Variants in CAMK1 observed in about 807,000 individuals in gnomAD.
CAMK1 encodes the protein calcium/calmodulin dependent protein kinase I, also known as calcium/calmodulin-dependent protein kinase type 1.
A neutral mutation model predicts 49.1 loss-of-function variants in CAMK1; 39 were observed. The observed-to-expected ratio is 0.79, with a 90% CI of 0.62 to 1.04. The LOEUF (loss-of-function observed/expected upper bound fraction) is 1.04, where lower values mean the gene tolerates loss of function less well. Ranked by LOEUF, CAMK1 falls within the 50% of genes least tolerant of loss-of-function variation. The pLI, the probability that CAMK1 is intolerant of heterozygous loss-of-function variation, is 0.00. For missense variants in CAMK1, 457 were observed against 472.2 expected (o/e 0.97, Z 0.30); for synonymous variants, 192 against 185.2 (o/e 1.04, Z -0.30).
chr3:9,761,965 C>T (rs1559698619), intron 5 of CAMK1: 6 of 623,240 alleles, frequency 9.6e-6, no homozygotes, highest in South Asian at 2.0e-5. Context: ...GGGGAACTGT[C>T]TCTAAACCTC....
intron 9 of CAMK1, 43 bp from the exon 10 acceptor site, chr3:9,759,618 C>G: frequency 6.2e-7 from 1 of 1,614,130 alleles, no homozygotes; most frequent in Non-Finnish European, 8.5e-7. Context: ...AGGGCAGAAG[C>G]AGACCTGAGG....
intron 10 of CAMK1, chr3:9,758,403 G>C (rs1246522146): frequency 6.5e-6 from 1 of 154,548 alleles, no homozygotes; most frequent in Non-Finnish European, 1.4e-5. Flanking sequence ...TCTGTTCCCA[G>C]CCACAGTCTT....
At position 9,757,586 on chromosome 3, in the gene CAMK1, C is replaced by A; in HGVS notation, c.1066G>T (p.Val356Leu). ...AAGCCCRDCC[V>L]EPGTELSPTL... Reference sequence around the variant, plus strand: ...GGGGACAGTTCTGTGCCCGGCTCCACGCAGCAGTCTCGACAGCAACAGCCA... The same window carrying A: ...GGGGACAGTTCTGTGCCCGGCTCCAAGCAGCAGTCTCGACAGCAACAGCCA... The change falls in exon 12 of 12, where the codon GTG becomes TTG. Residue 356 changes from valine to leucine, a missense_variant. Coordinates refer to ENST00000256460, the MANE Select transcript of CAMK1 (RefSeq NM_003656.5). This position sits in a 1 kb window ranked among gnomAD's most constrained non-coding sequence, Gnocchi z 4.5. 6.2e-7 allele frequency: 1 copy of A among 1,614,166 alleles called. No individual in the cohort carries two copies. Among genetic ancestry groups the A allele is most frequent in the South Asian group, 1.1e-5 (1 of 91,082 alleles).
At chr3:9,760,630 G>T in intron 8 of CAMK1, 26 bp downstream of exon 8, 2 of 1,612,406 alleles carry the variant, frequency 1.2e-6, no homozygotes, top group East Asian at 2.2e-5. Flanking sequence ...GCAGGGCCCA[G>T]GGGAAAAAAG....
intron 3 of CAMK1, among the ~76,000 whole-genome samples, chr3:9,763,465 C>T (rs570901483): frequency 8.6e-5 from 13 of 151,954 alleles, no homozygotes; most frequent in Non-Finnish European, 1.3e-4. Flanking sequence ...CCCCAACCCC[C>T]GACCACTGCC....
rs1386620683 is a variant in CAMK1, at chr3:9,757,904, A to G, written c.913-58T>C. 1.9e-6 allele frequency: 3 copies of G among 1,552,246 alleles called. No individual in the cohort carries two copies. In the East Asian group the frequency reaches 6.8e-5, roughly 35 times the overall value. ...AAAGGACTTTTGAGAGAGTCAAGTC[A>G]TGGGGCAGGGGCGCAGTGGGATTCT... On this transcript the variant is annotated intron_variant, in intron 10 of 11. Transcript: ENST00000256460. The surrounding 1 kb of genome is among the most constrained non-coding windows in gnomAD (Gnocchi z 4.5).
chr3:9,758,970 C>G, intron 10 of CAMK1: 1 of 548,734 alleles, frequency 1.8e-6, no homozygotes, highest in Non-Finnish European at 3.3e-6. Flanking sequence ...GCCTAAGATT[C>G]TTCTGGGGCT....
rs201018634 is a variant in CAMK1 at position 9,763,251 on chromosome 3, G to A, written c.216-38C>T. 195 of 1,612,986 alleles carry A rather than the reference G, an allele frequency of 1.2e-4. 1 individual carries two copies. In the East Asian group the frequency reaches 2.7e-3, roughly 22 times the overall value. ...ATGAGGTGGTTTAGCCAGGCATGGC[G>A]GTGTGCACCTGTAGTCCAAGCTACT... On this transcript the variant is annotated intron_variant, in intron 3 of 11. Coordinates refer to ENST00000256460, the MANE Select transcript of CAMK1 (RefSeq NM_003656.5).
rs1326509091 is a variant in CAMK1, at chr3:9,757,377, A to G, written c.*162T>C. On this transcript the variant is annotated 3_prime_UTR_variant, in exon 12 of 12. Coordinates refer to ENST00000256460, the MANE Select transcript of CAMK1 (RefSeq NM_003656.5). This position sits in a 1 kb window ranked among gnomAD's most constrained non-coding sequence, Gnocchi z 4.5. ...TTATCTTCCCTTTATTACAAGAAGG[A>G]ACAATAAAATAGAAACATTTGTATG... 1 of 1,613,528 alleles carries G rather than the reference A, an allele frequency of 6.2e-7. No individual in the cohort carries two copies. Among genetic ancestry groups the G allele is most frequent in the Admixed American group, 1.7e-5 (1 of 59,890 alleles).
Position 9,761,236 on chromosome 3 carries a change from G to T in CAMK1, c.632+225C>A, listed in dbSNP as rs144306347. The T allele has an allele frequency of 1.1e-3, 551 of 484,480 alleles. 1 individual carries two copies. The highest frequency in any genetic ancestry group is 9.9e-3 in the African/African-American group (513 of 51,640). 30.0% of individuals were successfully genotyped at this position (484,480 alleles called of 1,614,324 possible). A position where few individuals can be genotyped will look rare whatever the true frequency, so the allele number is the denominator to read the frequency against. On this transcript the variant is annotated intron_variant, in intron 7 of 11. Transcript: ENST00000256460. Reference sequence around the variant, plus strand: ...AAGAAAGTCAGCTCCCTGAGGGCAGGCACTTTGTCTGGTTTGTGCTGTGCT... The same window carrying T: ...AAGAAAGTCAGCTCCCTGAGGGCAGTCACTTTGTCTGGTTTGTGCTGTGCT...
At chr3:9,762,667 A>ATT (rs879790415) in intron 5 of CAMK1, among the ~76,000 whole-genome samples, 1 of 147,034 alleles carries the variant, frequency 6.8e-6, no homozygotes. Context: ...GTCTGGCCAG[A>ATT]TTTTTTTTTT....
intron 3 of CAMK1, among the ~76,000 whole-genome samples, chr3:9,764,477 T>C (rs1368904419): frequency 1.3e-5 from 2 of 152,056 alleles, no homozygotes; most frequent in Non-Finnish European, 2.9e-5. Flanking sequence ...CATGTCCAGC[T>C]AATTTTGTAT....
chr3:9,763,484 T>C (rs1223771569), intron 3 of CAMK1, among the ~76,000 whole-genome samples: 1 of 150,984 alleles, frequency 6.6e-6, no homozygotes, highest in Non-Finnish European at 1.5e-5. Flanking sequence ...CCTACATACC[T>C]GGGTAGGACA....
chr3:9,766,360 C>G, intron 2 of CAMK1: 1 of 651,816 alleles, frequency 1.5e-6, no homozygotes, highest in Non-Finnish European at 2.8e-6. Flanking sequence ...TTGGTTCATC[C>G]CTTTTTCTGC....
chr3:9,763,407 A>AC, intron 3 of CAMK1, 194 bp from the exon 4 acceptor site: 2 of 188,998 alleles, frequency 1.1e-5, no homozygotes, highest in East Asian at 3.8e-4. Context: ...CTGTCTCAAA[A>AC]AAAAAAAAAA....
intron 7 of CAMK1, chr3:9,761,106 C>T (rs891520168): frequency 1.1e-5 from 4 of 348,422 alleles, no homozygotes; most frequent in South Asian, 7.3e-5. Context: ...GGCATCACCC[C>T]GTCTCCCTAT....
chr3:9,760,946 T>A (rs7609858), intron 7 of CAMK1, 178 bp from the exon 8 acceptor site: 225,585 of 944,830 alleles, frequency 0.24, 29,570 homozygotes, highest in East Asian at 0.52. Context: ...CTGTTCCTTG[T>A]ATGTGCCGCC....
intron 2 of CAMK1, chr3:9,766,350 T>C (rs1365230753): frequency 3.0e-6 from 2 of 670,640 alleles, no homozygotes; most frequent in Non-Finnish European, 5.5e-6. Context: ...ATGTGTACAG[T>C]TGGTTCATCC....
Position 9,767,743 on chromosome 3 carries a change from C to G in CAMK1, c.7G>C (p.Gly3Arg), listed in dbSNP as rs1481715197. 1 of 1,614,044 alleles carries G rather than the reference C, an allele frequency of 6.2e-7. No individual in the cohort carries two copies. Among genetic ancestry groups the G allele is most frequent in the Non-Finnish European group, 8.5e-7 (1 of 1,180,008 alleles). The change falls in exon 2 of 12, where the codon GGG becomes CGG. Residue 3 changes from glycine (G) to arginine (R), a missense_variant. Coordinates refer to ENST00000256460, the MANE Select transcript of CAMK1 (RefSeq NM_003656.5). Reference protein sequence around the residue: MLGAVEGPRWKQA... With the variant: MLRAVEGPRWKQA... ...TTCCACCTGGGGCCTTCCACTGCCC[C>G]CAGCATGGCCCACTGCCCCCCGACC...
Sources: gnomAD v4.1 joint callset for allele counts (sites outside exome capture counted in the v4.1 genomes callset) on GRCh38, gnomAD v4.1.1 for gene constraint, Gnocchi (gnomAD v3.1) non-coding constraint, MANE v1.5 for transcripts, NCBI Gene and HGNC (gene_info 2026-07-23, HGNC 2026-07-21) for gene names.